The following ACSM3 variants were observed in gnomAD, a reference collection of about 807,000 sequenced individuals.
ACSM3 encodes the protein acyl-coenzyme A synthetase ACSM3, mitochondrial.
A neutral mutation model predicts 74.1 loss-of-function variants in ACSM3; 61 were observed. That is an observed-to-expected ratio of 0.82 (90% CI 0.67 to 1.02). ACSM3 has a LOEUF of 1.02. Ranked by LOEUF, ACSM3 falls within the 50% of genes least tolerant of loss-of-function variation. The pLI, the probability that ACSM3 is intolerant of heterozygous loss-of-function variation, is 0.00. For synonymous variants in ACSM3, 213 were observed against 241.5 expected (o/e 0.88, Z 1.09); for missense variants, 660 against 697.0 (o/e 0.95, Z 0.60).
At chr16:20,738,809 A>G (rs1244997340) in intron 1 of ACSM3, 1 of 1,481,478 alleles carries the variant, frequency 6.8e-7, no homozygotes, top group Admixed American at 1.8e-5. Flanking sequence ...AGTCATGCCC[A>G]AGAAGCCATT....
intron 1 of ACSM3, chr16:20,741,527 G>A (rs777257224): frequency 2.4e-6 from 3 of 1,242,676 alleles, no homozygotes; most frequent in South Asian, 2.5e-5. Context: ...GCCCATACAT[G>A]TCGTCGCCGT....
At chr16:20,729,527 A>C (rs984610808) in intron 1 of ACSM3, 6 of 579,010 alleles carry the variant, frequency 1.0e-5, no homozygotes, top group Admixed American at 1.0e-4. Context: ...AGCTGTTGTC[A>C]GTAGTCCATA....
intron 4 of ACSM3, 159 bp from the exon 5 acceptor site, chr16:20,780,555 A>C: frequency 1.3e-6 from 2 of 1,482,188 alleles, no homozygotes; most frequent in Non-Finnish European, 1.8e-6. Flanking sequence ...CTAAAAGGAT[A>C]GAGAAAGTGA....
intron 1 of ACSM3, chr16:20,737,309 C>T (rs919934128): frequency 1.9e-6 from 3 of 1,587,558 alleles, no homozygotes; most frequent in Non-Finnish European, 2.6e-6. Context: ...CAGAAAAACA[C>T]ATAGCTGAGG....
chr16:20,686,181 G>C (rs1337304348), intron 1 of ACSM3, among the ~76,000 whole-genome samples: 1 of 151,994 alleles, frequency 6.6e-6, no homozygotes, highest in Non-Finnish European at 1.5e-5. Context: ...CAAAACAAAA[G>C]AGGCTTACTT....
At chr16:20,765,234 T>G (rs2080113335) in intron 1 of ACSM3, among the ~76,000 whole-genome samples, 1 of 152,212 alleles carries the variant, frequency 6.6e-6, no homozygotes, top group South Asian at 2.1e-4. Context: ...CCTGGGAAAG[T>G]TATCTCAGCA....
At chr16:20,696,199 A>G (rs781493103) in intron 1 of ACSM3, among the ~76,000 whole-genome samples, 1 of 152,204 alleles carries the variant, frequency 6.6e-6, no homozygotes, top group African/African-American at 2.4e-5. Context: ...ATAATAACAA[A>G]ATCACCTAAC....
At chr16:20,707,546 A>G (rs1237998235) in intron 1 of ACSM3, among the ~76,000 whole-genome samples, 1 of 152,202 alleles carries the variant, frequency 6.6e-6, no homozygotes, top group East Asian at 1.9e-4. Flanking sequence ...TCCTGGAGAC[A>G]GTAGAGACCA....
At chr16:20,679,028 C>CTAA (rs1016569291) in intron 1 of ACSM3, 24 of 152,214 alleles carry the variant, frequency 1.6e-4, no homozygotes, top group African/African-American at 5.3e-4. Flanking sequence ...GCCTATAAGT[C>CTAA]TAACAGACCC....
At chr16:20,741,803 G>C in intron 1 of ACSM3, 1 of 1,543,918 alleles carries the variant, frequency 6.5e-7, no homozygotes, top group Non-Finnish European at 8.7e-7. Context: ...CTCGTCTATC[G>C]CCGGCGCGAA....
At chr16:20,738,794 A>G in intron 1 of ACSM3, 1 of 1,331,942 alleles carries the variant, frequency 7.5e-7, no homozygotes, top group Non-Finnish European at 1.0e-6. Context: ...TCAAATGATT[A>G]ACTGAGTCAT....
chr16:20,741,520 C>T, intron 1 of ACSM3: 3 of 1,290,184 alleles, frequency 2.3e-6, no homozygotes, highest in Non-Finnish European at 3.1e-6. Flanking sequence ...TTTTCTGGCC[C>T]ATACATGTCG....
intron 2 of ACSM3, among the ~76,000 whole-genome samples, chr16:20,771,119 T>C (rs2080187910): frequency 6.6e-6 from 1 of 152,278 alleles, no homozygotes; most frequent in African/African-American, 2.4e-5. Flanking sequence ...TGGAGTGCGG[T>C]GGTGTGATCT....
At chr16:20,706,566 T>C (rs2079728889) in intron 1 of ACSM3, among the ~76,000 whole-genome samples, 1 of 152,250 alleles carries the variant, frequency 6.6e-6, no homozygotes, top group Non-Finnish European at 1.5e-5. Flanking sequence ...AGAGTTGTTT[T>C]GAGAGGGTAG....
upstream of ACSM3, among the ~76,000 whole-genome samples, chr16:20,759,925 T>C (rs989882472): frequency 2.0e-5 from 3 of 152,268 alleles, no homozygotes; most frequent in South Asian, 2.1e-4. Context: ...ACTGACTGAA[T>C]TGACCCTCCT....
chr16:20,716,893 G>GAGCT (rs2079763800), intron 1 of ACSM3, among the ~76,000 whole-genome samples: 1 of 152,156 alleles, frequency 6.6e-6, no homozygotes. Context: ...AGGAATCATG[G>GAGCT]AGCTATCTTT....
At chr16:20,677,404 C>T (rs1328215492) in intron 1 of ACSM3, among the ~76,000 whole-genome samples, 3 of 152,160 alleles carry the variant, frequency 2.0e-5, no homozygotes, top group Non-Finnish European at 4.4e-5. Flanking sequence ...GATTCTGTGG[C>T]ACTTCACTGG....
At chr16:20,705,220 C>G (rs540764107) in intron 1 of ACSM3, among the ~76,000 whole-genome samples, 1 of 151,824 alleles carries the variant, frequency 6.6e-6, no homozygotes, top group East Asian at 1.9e-4. Context: ...AAAATACAAA[C>G]AAATTAGCCA....
chr16:20,749,013 A>G (rs534423716), intron 1 of ACSM3, among the ~76,000 whole-genome samples: 1 of 152,222 alleles, frequency 6.6e-6, no homozygotes, highest in South Asian at 2.1e-4. Context: ...ATCGCACTCT[A>G]TGAGCCATTG....
Sources: allele counts gnomAD v4.1 joint callset (sites outside exome capture counted in the v4.1 genomes callset), GRCh38; gene constraint gnomAD v4.1.1; transcripts MANE v1.5; gene names NCBI Gene and HGNC (gene_info 2026-07-23, HGNC 2026-07-21).